The following VPS13D variants were observed in gnomAD, a reference collection of about 807,000 sequenced individuals.
The protein encoded by VPS13D is vacuolar protein sorting 13 homolog D.
VPS13D carries 187 observed loss-of-function variants against 461.9 expected under a neutral mutation model. The observed-to-expected ratio is 0.40, with a 90% confidence interval of 0.36 to 0.46. The LOEUF (loss-of-function observed/expected upper bound fraction) is 0.46. Ranked by LOEUF, VPS13D falls within the 20% of genes least tolerant of loss-of-function variation. The probability of loss-of-function intolerance (pLI) is 0.60; values close to 1 mark genes in which losing one functional copy is unlikely to be tolerated. For missense variants in VPS13D, 4,711 were observed against 5,364.9 expected (o/e 0.88, Z 3.81); for synonymous variants, 1,951 against 1,986.3 (o/e 0.98, Z 0.47).
At chr1:12,262,512 G>A (rs1227177870) in intron 13 of VPS13D, among the ~76,000 whole-genome samples, 1 of 152,178 alleles carries the variant, frequency 6.6e-6, no homozygotes, top group African/African-American at 2.4e-5. Context: ...GCAACAGTGA[G>A]CCACAGCTCC....
At chr1:12,487,024 G>A (rs551852500) in intron 67 of VPS13D, among the ~76,000 whole-genome samples, 1 of 152,270 alleles carries the variant, frequency 6.6e-6, no homozygotes, top group African/African-American at 2.4e-5. Context: ...TGACTGGAAG[G>A]AGAGCATGTC....
intron 67 of VPS13D, among the ~76,000 whole-genome samples, chr1:12,489,126 C>G (rs1299715826): frequency 6.6e-6 from 1 of 152,202 alleles, no homozygotes; most frequent in African/African-American, 2.4e-5. Flanking sequence ...AACTCTGCCC[C>G]TCCCCACCCA....
intron 23 of VPS13D, among the ~76,000 whole-genome samples, chr1:12,291,337 A>ATGGGGTATGAGTTAGGTGCGG (rs1553175092): frequency 6.6e-6 from 1 of 152,168 alleles, no homozygotes; most frequent in Non-Finnish European, 1.5e-5. Flanking sequence ...TCATAAACAG[A>ATGGGGTATGAGTTAGGTGCGG]TGGGGTATGA....
In VPS13D at chr1:12,291,137, A is replaced by G. The variant is rs767789307; in HGVS notation, c.5852+13A>G. On this transcript the variant is annotated intron_variant, in intron 23 of 69. Transcript: ENST00000620676. ...TCCAGACTTTTAAGTAAAAATGTCA[A>G]TCTTTTTCTGACTTGATATTTTATC... 3 of 1,608,030 alleles carry G rather than the reference A, an allele frequency of 1.9e-6. No homozygotes were observed. The highest frequency in any genetic ancestry group is 2.2e-5 in the East Asian group (1 of 44,798).
chr1:12,450,255 T>G (rs1316054111), intron 65 of VPS13D, among the ~76,000 whole-genome samples: 2 of 152,188 alleles, frequency 1.3e-5, no homozygotes, highest in African/African-American at 4.8e-5. Context: ...TTTGATTCCT[T>G]TGCTCCTGCT....
intron 29 of VPS13D, among the ~76,000 whole-genome samples, chr1:12,312,614 G>C (rs564474697): frequency 6.6e-6 from 1 of 152,228 alleles, no homozygotes; most frequent in Admixed American, 6.5e-5. Context: ...TAAAAAACTA[G>C]CTGCGCATGG....
intron 52 of VPS13D, among the ~76,000 whole-genome samples, chr1:12,363,531 T>C (rs1557734260): frequency 6.6e-6 from 1 of 152,234 alleles, no homozygotes. Context: ...TGCATTTAGA[T>C]GGTAACGCTC....
intron 63 of VPS13D, among the ~76,000 whole-genome samples, chr1:12,413,186 T>G (rs1202547003): frequency 6.6e-6 from 1 of 152,116 alleles, no homozygotes; most frequent in African/African-American, 2.4e-5. Flanking sequence ...TGTTTGTTTG[T>G]TTTTGTTTTT....
At position 12,322,229 on chromosome 1, in the gene VPS13D, C is replaced by A. The variant is rs560876109; in HGVS notation, c.7704+265C>A. On this transcript the variant is annotated intron_variant, in intron 33 of 69. Transcript: ENST00000620676. ...TACAGGGGCCTGCCACCGTGCCCGG[C>A]TAATTTTTTGTATTTTTTAGTAGAG... 1.6e-3 allele frequency among the ~76,000 whole-genome samples: 245 copies of A among 152,214 alleles called. 1 individual carries two copies. Among genetic ancestry groups the A allele is most frequent in the Non-Finnish European group, 2.1e-3 (141 of 68,016 alleles).
At chr1:12,323,209 G>A (rs1643085081) in intron 34 of VPS13D, among the ~76,000 whole-genome samples, 1 of 152,004 alleles carries the variant, frequency 6.6e-6, no homozygotes, top group African/African-American at 2.4e-5. Context: ...AGCTGGGAGG[G>A]ACTATAGGTG....
At chr1:12,409,995 A>G (rs984756718) in intron 63 of VPS13D, 2 of 443,136 alleles carry the variant, frequency 4.5e-6, no homozygotes, top group African/African-American at 2.0e-5. Context: ...GCAGCTGCCA[A>G]CAGGCAGAGA....
At chr1:12,406,825 A>C (rs1644662554) in intron 63 of VPS13D, among the ~76,000 whole-genome samples, 1 of 152,158 alleles carries the variant, frequency 6.6e-6, no homozygotes, top group Non-Finnish European at 1.5e-5. Flanking sequence ...AAACGGTTTC[A>C]TGAGGTGGCC....
chr1:12,356,273 C>T, intron 48 of VPS13D, 125 bp from the exon 49 acceptor site: 1 of 1,410,922 alleles, frequency 7.1e-7, no homozygotes, highest in East Asian at 2.5e-5. Flanking sequence ...AGGCAAGAAA[C>T]TGAGCCCACT....
Position 12,510,554 on chromosome 1 carries a change from T to TGTGTGTGC in VPS13D, c.*1531_*1532insTGTGTGCG, listed in dbSNP as rs1553131587. On this transcript the variant is annotated 3_prime_UTR_variant, in exon 70 of 70. Coordinates refer to ENST00000620676, the MANE Select transcript of VPS13D (RefSeq NM_015378.4). The stretch of plus-strand genomic sequence containing the variant: ...GTGTGTGTGTGTGTGTGTGTGTGTG[T>TGTGTGTGC]GCGCGCGCGCGCGTGCATGCAGAGA... 5.4e-5 allele frequency: 8 copies of TGTGTGTGC among 147,272 alleles called. No homozygotes were observed. The highest frequency in any genetic ancestry group is 2.0e-4 in the African/African-American group (8 of 39,348). 9.1% of individuals were successfully genotyped at this position (147,272 alleles called of 1,614,324 possible). A position where few individuals can be genotyped will look rare whatever the true frequency, so the allele number is the denominator to read the frequency against.
intron 62 of VPS13D, among the ~76,000 whole-genome samples, chr1:12,402,401 G>C (rs1644593280): frequency 6.6e-6 from 1 of 152,160 alleles, no homozygotes; most frequent in Non-Finnish European, 1.5e-5. Context: ...GTAATACTCA[G>C]TCTTTTGAAG....
intron 55 of VPS13D, among the ~76,000 whole-genome samples, chr1:12,376,154 G>A (rs1314593656): frequency 6.6e-6 from 1 of 152,242 alleles, no homozygotes; most frequent in African/African-American, 2.4e-5. Context: ...GTGCTGTGCA[G>A]AGATGCTTTC....
intron 67 of VPS13D, among the ~76,000 whole-genome samples, chr1:12,484,809 G>C (rs986112159): frequency 6.6e-5 from 10 of 152,278 alleles, no homozygotes; most frequent in African/African-American, 2.4e-4. Flanking sequence ...AGGGTTACAT[G>C]CTCCTTTTTG....
At chr1:12,426,586 C>A (rs1644926871) in intron 65 of VPS13D, among the ~76,000 whole-genome samples, 1 of 152,184 alleles carries the variant, frequency 6.6e-6, no homozygotes, top group South Asian at 2.1e-4. Flanking sequence ...TGTCCTATAG[C>A]TTTTCAAATT....
chr1:12,483,310 G>A (rs1476333475), intron 67 of VPS13D, among the ~76,000 whole-genome samples: 1 of 152,226 alleles, frequency 6.6e-6, no homozygotes, highest in African/African-American at 2.4e-5. Context: ...TTGCCAATCT[G>A]AAAGAGTGAG....
Sources: allele counts gnomAD v4.1 joint callset (sites outside exome capture counted in the v4.1 genomes callset), GRCh38; gene constraint gnomAD v4.1.1; transcripts MANE v1.5; gene names NCBI Gene and HGNC (gene_info 2026-07-23, HGNC 2026-07-21).